Variants in CEP43 observed in about 807,000 individuals in gnomAD.
The protein encoded by CEP43 is FGFR1 oncogene partner.
In CEP43, 36 loss-of-function variants were observed where a neutral mutation model predicts 52.6. The ratio of observed to expected loss-of-function variants is 0.68; its 90% confidence interval spans 0.52 to 0.90. The LOEUF (loss-of-function observed/expected upper bound fraction) is 0.90, where lower values mean the gene tolerates loss of function less well. CEP43 is among the 40% of genes least tolerant of loss of function. The pLI is 0.00. For missense variants in CEP43, 506 were observed against 472.8 expected, an observed-to-expected ratio of 1.07 and a Z score of -0.65; for synonymous variants, 192 against 172.4, an observed-to-expected ratio of 1.11 and a Z score of -0.89.
rs533908633 is a variant in CEP43, at chr6:167,041,552, G to C, written c.*1574G>C. 2.9e-6 allele frequency: 3 copies of C among 1,050,670 alleles called. No homozygotes were observed. In the African/African-American group the frequency reaches 5.0e-5, roughly 17 times the overall value. 65.1% of individuals were successfully genotyped at this position (1,050,670 alleles called of 1,614,324 possible). On this transcript the variant is annotated 3_prime_UTR_variant, in exon 13 of 13. Transcript: ENST00000366847. Reference sequence around the variant, plus strand: ...TCTTTGTAAGTCATCTCTGTAAACAGTCACTTTCTAAAAGCACTATAGTTC... The same window carrying C: ...TCTTTGTAAGTCATCTCTGTAAACACTCACTTTCTAAAAGCACTATAGTTC...
At chr6:167,039,625 G>A (rs1562535494) in intron 12 of CEP43, among the ~76,000 whole-genome samples, 1 of 152,156 alleles carries the variant, frequency 6.6e-6, no homozygotes, top group Non-Finnish European at 1.5e-5. Context: ...ACCCAGTAGT[G>A]GGATTGGTGG....
chr6:167,027,912 T>C, intron 10 of CEP43: 6 of 985,818 alleles, frequency 6.1e-6, no homozygotes, highest in Non-Finnish European at 6.0e-6. Context: ...TTCCGCACAG[T>C]GCCCTGGAGT....
intron 2 of CEP43, 38 bp from the exon 3 acceptor site, chr6:167,003,155 G>T: frequency 1.1e-6 from 1 of 935,582 alleles, no homozygotes; most frequent in South Asian, 1.6e-5. Flanking sequence ...TGTTTTTAGG[G>T]TAAACACATG....
At position 167,022,289 on chromosome 6, in the gene CEP43, C is replaced by CACACACACACACACACAT. The variant is rs962565166; in HGVS notation, c.580-113_580-112insCACACACACATACACACA. 9.0e-6 allele frequency: 6 copies of CACACACACACACACACAT among 664,668 alleles called. No individual in the cohort carries two copies. The African/African-American group carries it at 1.2e-4, about 13-fold the overall frequency. The allele number at this position is 664,668 out of a possible 1,614,324, so 41.2% of individuals were successfully genotyped here. A position where few individuals can be genotyped will look rare whatever the true frequency, so the allele number is the denominator to read the frequency against. On this transcript the variant is annotated intron_variant, in intron 7 of 12. Transcript: ENST00000366847. ...ACACACACACACACACACACACACACACACACAAAGGTTGCACACACACAG... is the reference window on the plus strand; with the variant it reads ...ACACACACACACACACACACACACACACACACACACACACACATACACACAAAGGTTGCACACACACAG...
chr6:167,017,537 A>G (rs1273423246), intron 7 of CEP43, among the ~76,000 whole-genome samples: 3 of 151,760 alleles, frequency 2.0e-5, no homozygotes, highest in East Asian at 3.9e-4. Context: ...TTGCAAAACA[A>G]TAGTATTTCT....
chr6:167,049,091 T>A lies in CEP43; in HGVS notation c.*9113T>A, dbSNP rs1006993040. On this transcript the variant is annotated 3_prime_UTR_variant, in exon 13 of 13. Coordinates refer to ENST00000366847, the MANE Select transcript of CEP43 (RefSeq NM_007045.4). Reference sequence around the variant, plus strand: ...CATATAGAACGTTTGCTGTTTAATGTAGCACAGATGTATCAAAAAGCCATG... The same window carrying A: ...CATATAGAACGTTTGCTGTTTAATGAAGCACAGATGTATCAAAAAGCCATG... 1.3e-5 allele frequency: 2 copies of A among 152,244 alleles called. No individual in the cohort carries two copies. The highest frequency in any genetic ancestry group is 4.8e-5 in the African/African-American group (2 of 41,466). The allele number at this position is 152,244 out of a possible 1,614,324, so 9.4% of individuals were successfully genotyped here.
intron 12 of CEP43, among the ~76,000 whole-genome samples, chr6:167,038,978 A>C (rs182593893): frequency 2.0e-4 from 30 of 152,210 alleles, no homozygotes; most frequent in Non-Finnish European, 3.5e-4. Context: ...GAGTCCCCAA[A>C]GTCCATTGTA....
chr6:167,043,804 A>G lies in CEP43; in HGVS notation c.*3826A>G, dbSNP rs892942827. On this transcript the variant is annotated 3_prime_UTR_variant, in exon 13 of 13. Transcript: ENST00000366847. ...TTCAACAAGCATCTGACATTTAAGG[A>G]AAGTGAATGTATGTCATGAAAGACA... The G allele has an allele frequency of 2.0e-5, 3 of 152,188 alleles. No individual in the cohort carries two copies. Among genetic ancestry groups the G allele is most frequent in the African/African-American group, 7.2e-5 (3 of 41,434 alleles). 9.4% of individuals were successfully genotyped at this position (152,188 alleles called of 1,614,324 possible).
intron 9 of CEP43, among the ~76,000 whole-genome samples, chr6:167,025,845 G>T (rs895871520): frequency 4.6e-5 from 7 of 152,186 alleles, no homozygotes; most frequent in Non-Finnish European, 8.8e-5. Flanking sequence ...AGGACGTTGA[G>T]AACAAAGGAC....
Position 167,049,502 on chromosome 6 carries a change from A to G in CEP43, c.*9524A>G, listed in dbSNP as rs1276820819. On this transcript the variant is annotated 3_prime_UTR_variant, in exon 13 of 13. Transcript: ENST00000366847. The stretch of plus-strand genomic sequence containing the variant: ...ATGACTGGCTTCTTTCACTTAGCAT[A>G]ATGTTTTCAAGAGTCATCTGTGTTG... 2.6e-5 allele frequency: 4 copies of G among 152,178 alleles called. No homozygotes were observed. The highest frequency in any genetic ancestry group is 5.9e-5 in the Non-Finnish European group (4 of 68,044). The allele number at this position is 152,178 out of a possible 1,614,324, so 9.4% of individuals were successfully genotyped here. A position where few individuals can be genotyped will look rare whatever the true frequency, so the allele number is the denominator to read the frequency against.
intron 5 of CEP43, among the ~76,000 whole-genome samples, chr6:167,009,665 CAAAA>C (rs562641835): frequency 9.0e-5 from 6 of 66,634 alleles, no homozygotes; most frequent in East Asian, 7.9e-4. Context: ...AACTCCGTCT[CAAAA>C]AAAAAAAAAA....
At chr6:167,029,555 G>T (rs1780424007) in intron 10 of CEP43, among the ~76,000 whole-genome samples, 1 of 152,206 alleles carries the variant, frequency 6.6e-6, no homozygotes, top group African/African-American at 2.4e-5. Context: ...TCAAATTTTT[G>T]AATTTGGGAT....
chr6:166,999,607 C>G, intron 1 of CEP43, 93 bp downstream of exon 1: 1 of 948,906 alleles, frequency 1.1e-6, no homozygotes, highest in East Asian at 3.3e-5. Context: ...GGCCGCCTCC[C>G]TGGCGAGGGA....
intron 6 of CEP43, among the ~76,000 whole-genome samples, chr6:167,011,134 G>T (rs2128659967): frequency 6.6e-6 from 1 of 152,274 alleles, no homozygotes; most frequent in East Asian, 1.9e-4. Flanking sequence ...CAGAATCATA[G>T]AATATTTGGA....
At chr6:167,003,464 A>G (rs1449870450) in intron 3 of CEP43, 5 of 508,792 alleles carry the variant, frequency 9.8e-6, no homozygotes, top group Non-Finnish European at 1.7e-5. Context: ...ACAAAAAGCC[A>G]ATATTAACCA....
At chr6:167,015,883 A>G (rs1020625483) in intron 7 of CEP43, among the ~76,000 whole-genome samples, 1 of 152,244 alleles carries the variant, frequency 6.6e-6, no homozygotes, top group Non-Finnish European at 1.5e-5. Flanking sequence ...AGATAAAAAT[A>G]AAATAAAGAT....
At chr6:166,999,778 G>T in intron 1 of CEP43, 1 of 527,616 alleles carries the variant, frequency 1.9e-6, no homozygotes, top group Admixed American at 3.8e-5. Context: ...GGACCGCGGG[G>T]CTTGGGGGCC....
rs186059790 is a variant in CEP43 at position 167,000,595 on chromosome 6, C to G, written c.156+482C>G. Among the ~76,000 whole-genome samples, 3 of 152,326 alleles carry G rather than the reference C, an allele frequency of 2.0e-5. No individual in the cohort carries two copies. In the East Asian group the frequency reaches 5.8e-4, roughly 29 times the overall value. On this transcript the variant is annotated intron_variant, in intron 2 of 12. Coordinates refer to ENST00000366847, the MANE Select transcript of CEP43 (RefSeq NM_007045.4). ...TAATTTAACTTTTTCGGAGTCCCAC[C>G]AACCATCCTGAGTAAATATTCTGGA...
intron 2 of CEP43, among the ~76,000 whole-genome samples, chr6:167,001,601 G>C (rs151008845): frequency 1.4e-3 from 217 of 152,260 alleles, no homozygotes; most frequent in African/African-American, 5.2e-3. Flanking sequence ...CTTCAGACCT[G>C]TATGTTAAAC....
Sources: gnomAD v4.1 joint callset for allele counts (sites outside exome capture counted in the v4.1 genomes callset) on GRCh38, gnomAD v4.1.1 for gene constraint, MANE v1.5 for transcripts, NCBI Gene and HGNC (gene_info 2026-07-23, HGNC 2026-07-21) for gene names.